The following CLSTN3 variants were observed in gnomAD, a reference collection of about 807,000 sequenced individuals.
The protein encoded by CLSTN3 is calsyntenin 3.
A neutral mutation model predicts 95.9 loss-of-function variants in CLSTN3; 36 were observed. The ratio of observed to expected loss-of-function variants is 0.38; its 90% confidence interval spans 0.29 to 0.50. The LOEUF is 0.50. Ranked by LOEUF, CLSTN3 falls within the 20% of genes least tolerant of loss-of-function variation. The probability of loss-of-function intolerance (pLI) is 0.95; values close to 1 mark genes in which losing one functional copy is unlikely to be tolerated. For missense variants in CLSTN3, 1,084 were observed against 1,268.8 expected (o/e 0.85, Z 2.21); for synonymous variants, 481 against 504.0 (o/e 0.95, Z 0.61).
intron 12 of CLSTN3, among the ~76,000 whole-genome samples, chr12:7,147,426 T>A (rs1188139103): frequency 6.5e-4 from 68 of 105,080 alleles, no homozygotes; most frequent in East Asian, 3.4e-3. Context: ...AAAAAAAAAA[T>A]CAGTGGACCT....
chr12:7,145,933 T>C (rs1207113268), intron 12 of CLSTN3, among the ~76,000 whole-genome samples: 3 of 152,184 alleles, frequency 2.0e-5, no homozygotes, highest in African/African-American at 7.2e-5. Context: ...GTGTCTGAAA[T>C]CTGTCTCCTC....
rs1271785553 is a variant in CLSTN3 at position 7,157,934 on chromosome 12, C to G, written c.2731-7C>G. On this transcript the variant is annotated splice_region_variant and splice_polypyrimidine_tract_variant and intron_variant, in intron 17 of 17. Transcript: ENST00000266546. This position sits in a 1 kb window ranked among gnomAD's most constrained non-coding sequence, Gnocchi z 5.9. Reference sequence around the variant, plus strand: ...GATCCCTTCTCCTCTCTGTTCCTGCCCTCCAGTCCTACCAGAATCGGCAGT... The same window carrying G: ...GATCCCTTCTCCTCTCTGTTCCTGCGCTCCAGTCCTACCAGAATCGGCAGT... 6 of 1,550,560 alleles carry G rather than the reference C, an allele frequency of 3.9e-6. No individual in the cohort carries two copies. The highest frequency in any genetic ancestry group is 5.2e-6 in the Non-Finnish European group (6 of 1,146,906).
chr12:7,136,470 T>A, intron 6 of CLSTN3, 79 bp downstream of exon 6: 1 of 1,335,162 alleles, frequency 7.5e-7, no homozygotes, highest in East Asian at 2.5e-5. Context: ...GACTCTGCTT[T>A]ACATCACCAC....
chr12:7,136,967 T>G lies in CLSTN3; in HGVS notation c.1067T>G (p.Leu356Arg). 1 of 1,614,176 alleles carries G rather than the reference T, an allele frequency of 6.2e-7. No individual in the cohort carries two copies. The highest frequency in any genetic ancestry group is 8.5e-7 in the Non-Finnish European group (1 of 1,180,004). Reference protein sequence around the residue: ...FNGTQAVQVPLGGPSGLGSGP... With the variant: ...FNGTQAVQVPRGGPSGLGSGP... ...GGCACCCAGGCTGTGCAGGTGCCCC[T>G]GGGTGGCCCCAGTGGGCTGGGCTCT... is the stretch of plus-strand genomic sequence containing the variant. The change falls in exon 7 of 18, where the codon CTG (leucine) becomes CGG (arginine). Residue 356 changes from leucine (L) to arginine (R), a missense_variant. Transcript: ENST00000266546.
chr12:7,149,401 ATGCTGACTTCCCTC>A lies in CLSTN3; in HGVS notation c.2075-120_2075-107del, dbSNP rs1939682737. ...TTGCATAATGATATTCTTGAAAATG[ATGCTGACTTCCCTC>A]TCCCTGGCCCTGGAAAGGGAGGGAG... On this transcript the variant is annotated intron_variant, in intron 13 of 17. Coordinates refer to ENST00000266546, the MANE Select transcript of CLSTN3 (RefSeq NM_014718.4). This position sits in a 1 kb window ranked among gnomAD's most constrained non-coding sequence, Gnocchi z 4.5. The A allele has an allele frequency of 9.0e-6, 9 of 999,594 alleles. No individual in the cohort carries two copies. The Admixed American group carries it at 1.7e-4, about 19-fold the overall frequency. 61.9% of individuals were successfully genotyped at this position (999,594 alleles called of 1,614,324 possible).
At chr12:7,144,872 G>C (rs544848397) in intron 12 of CLSTN3, among the ~76,000 whole-genome samples, 2 of 152,182 alleles carry the variant, frequency 1.3e-5, no homozygotes, top group South Asian at 4.1e-4. Context: ...GCTGGTTCAG[G>C]GTGTGGAGCT....
chr12:7,131,129 G>T (rs965891355), intron 1 of CLSTN3: 5 of 312,306 alleles, frequency 1.6e-5, no homozygotes, highest in Non-Finnish European at 3.1e-5. Flanking sequence ...CATCTGCTTC[G>T]CCTCCATCCC....
intron 1 of CLSTN3, 104 bp from the exon 2 acceptor site, chr12:7,132,920 G>C (rs771521631): frequency 4.6e-6 from 7 of 1,512,782 alleles, no homozygotes; most frequent in Non-Finnish European, 6.4e-6. Context: ...GGGTGGAAAA[G>C]GTGATGGTGC....
Position 7,158,150 on chromosome 12 carries a change from A to G in CLSTN3, c.*69A>G. On this transcript the variant is annotated 3_prime_UTR_variant, in exon 18 of 18. Coordinates refer to ENST00000266546, the MANE Select transcript of CLSTN3 (RefSeq NM_014718.4). ...GAAACAGACACTCCAGACATGGGAG[A>G]AGGACTTTCTGGGAACACAGAGACC... 7.0e-7 allele frequency: 1 copy of G among 1,437,576 alleles called. No homozygotes were observed. The highest frequency in any genetic ancestry group is 9.2e-7 in the Non-Finnish European group (1 of 1,086,760). The allele number at this position is 1,437,576 out of a possible 1,614,324, so 89.1% of individuals were successfully genotyped here.
At position 7,135,431 on chromosome 12, in the gene CLSTN3, T is replaced by A; in HGVS notation, c.488T>A (p.Ile163Asn). 6.2e-7 allele frequency: 1 copy of A among 1,614,148 alleles called. No individual in the cohort carries two copies. The change falls in exon 4 of 18, where the codon ATC becomes AAC. Residue 163 changes from isoleucine (I) to asparagine (N), a missense_variant. Physicochemically the swap from Ile to Asn is moderately radical, Grantham distance 149. Coordinates refer to ENST00000266546, the MANE Select transcript of CLSTN3 (RefSeq NM_014718.4). ...ACAGAGGGGAAGCTGTACGATCGCA[T>A]CCTGCGGGTGGAAGCCATTGACGGT... is the stretch of plus-strand genomic sequence containing the variant. ...AVTEGKLYDR[I>N]LRVEAIDGDC...
Position 7,130,414 on chromosome 12 carries a change from C to CG in CLSTN3, c.-234dup. On this transcript the variant is annotated 5_prime_UTR_variant, in exon 1 of 18. Transcript: ENST00000266546. ...TGGGGTGGGAGTGAGAGAGTGAGGA[C>CG]GCTGGGCTGGGGGAAACGGGAAGCC... 1.4e-6 allele frequency: 2 copies of CG among 1,434,848 alleles called. No individual in the cohort carries two copies. The highest frequency in any genetic ancestry group is 1.8e-6 in the Non-Finnish European group (2 of 1,094,802). The allele number at this position is 1,434,848 out of a possible 1,614,324, so 88.9% of individuals were successfully genotyped here.
chr12:7,145,180 G>A (rs757784590), intron 12 of CLSTN3, among the ~76,000 whole-genome samples: 1 of 152,248 alleles, frequency 6.6e-6, no homozygotes, highest in Non-Finnish European at 1.5e-5. Context: ...TTCATGCCCA[G>A]GATAGAGGTT....
At chr12:7,129,738 C>T, upstream of CLSTN3, 1 of 985,594 alleles carries the variant, frequency 1.0e-6, no homozygotes, top group Non-Finnish European at 1.2e-6. This position sits in a 1 kb window ranked among gnomAD's most constrained non-coding sequence, Gnocchi z 5.5. Context: ...GCTTCAGAAT[C>T]CACTGGGCTT....
chr12:7,141,995 G>A lies in CLSTN3; in HGVS notation c.1487-91G>A, dbSNP rs1939533573. The A allele has an allele frequency of 1.9e-6, 2 of 1,026,570 alleles. No individual in the cohort carries two copies. The highest frequency in any genetic ancestry group is 2.9e-6 in the Non-Finnish European group (2 of 701,518). 63.6% of individuals were successfully genotyped at this position (1,026,570 alleles called of 1,614,324 possible). ...CCATGTGGGCATGAGAGCACTCATGGGGATGAGAGGAAGACATCTCATTCC... is the reference window on the plus strand; with the variant it reads ...CCATGTGGGCATGAGAGCACTCATGAGGATGAGAGGAAGACATCTCATTCC... On this transcript the variant is annotated intron_variant, in intron 9 of 17. Transcript: ENST00000266546. This position sits in a 1 kb window ranked among gnomAD's most constrained non-coding sequence, Gnocchi z 4.1.
chr12:7,137,283 T>TGG lies in CLSTN3; in HGVS notation c.1210+174_1210+175dup. On this transcript the variant is annotated intron_variant, in intron 7 of 17. Coordinates refer to ENST00000266546, the MANE Select transcript of CLSTN3 (RefSeq NM_014718.4). This position sits in a 1 kb window ranked among gnomAD's most constrained non-coding sequence, Gnocchi z 4.4. ...GTGCTTTATCCCCAACATGACATGT[T>TGG]GGATCGTACTGCTGTCAGAGTGCAA... 1.6e-6 allele frequency: 1 copy of TGG among 643,366 alleles called. No individual in the cohort carries two copies. The highest frequency in any genetic ancestry group is 2.7e-6 in the Non-Finnish European group (1 of 377,176). The allele number at this position is 643,366 out of a possible 1,614,324, so 39.9% of individuals were successfully genotyped here.
At chr12:7,138,273 T>TAAAAAAAAAAAAA (rs1032125660) in intron 8 of CLSTN3, among the ~76,000 whole-genome samples, 1,993 of 147,790 alleles carry the variant, frequency 0.013, 35 homozygotes, top group African/African-American at 0.047. Flanking sequence ...CTTCTGGATT[T>TAAAAAAAAAAAAA]AAAAAAAAAA....
At chr12:7,142,007 A>G in intron 9 of CLSTN3, 79 bp from the exon 10 acceptor site, 1 of 1,151,454 alleles carries the variant, frequency 8.7e-7, no homozygotes, top group South Asian at 1.4e-5. Flanking sequence ...GATGAGAGGA[A>G]GACATCTCAT....
chr12:7,130,536 G>T lies in CLSTN3; in HGVS notation c.-113G>T. The T allele has an allele frequency of 6.5e-7, 1 of 1,544,178 alleles. No homozygotes were observed. ...GCAGGCTCCTTTCCGTCCCTGCCCT[G>T]CTGTACCCCGCTCCTTGGAGACCCC... On this transcript the variant is annotated 5_prime_UTR_variant, in exon 1 of 18. Coordinates refer to ENST00000266546, the MANE Select transcript of CLSTN3 (RefSeq NM_014718.4).
chr12:7,149,658 A>T lies in CLSTN3; in HGVS notation c.2210A>T (p.Glu737Val), dbSNP rs763317941. The change falls in exon 14 of 18, where the codon GAG becomes GTG. Residue 737 changes from glutamate (E) to valine (V), a missense_variant. Glu to Val is a moderately radical substitution (Grantham distance 121, BLOSUM62 -2). Coordinates refer to ENST00000266546, the MANE Select transcript of CLSTN3 (RefSeq NM_014718.4). This position sits in a 1 kb window ranked among gnomAD's most constrained non-coding sequence, Gnocchi z 4.5. ...ACCTCTCTGCAGCAGCGGGGGCTGG[A>T]GCTCACCAACACATCTGCCTACCTC... is the stretch of plus-strand genomic sequence containing the variant. ...DTTSLQQRGL[E>V]LTNTSAYLTI... 3.1e-6 allele frequency: 5 copies of T among 1,614,128 alleles called. No individual in the cohort carries two copies. The African/African-American group carries it at 6.7e-5, about 22-fold the overall frequency.
Sources: gnomAD v4.1 joint callset for allele counts (sites outside exome capture counted in the v4.1 genomes callset) on GRCh38, gnomAD v4.1.1 for gene constraint, Gnocchi (gnomAD v3.1) non-coding constraint, MANE v1.5 for transcripts, NCBI Gene and HGNC (gene_info 2026-07-23, HGNC 2026-07-21) for gene names.